Variants in CWH43 observed in about 807,000 individuals in gnomAD.
CWH43 encodes PGAP2-interacting protein.
CWH43 carries 91 observed loss-of-function variants against 85.7 expected under a neutral mutation model. That is an observed-to-expected ratio of 1.06 (90% CI 0.90 to 1.26). The LOEUF is 1.26. Among genes scored for constraint, CWH43 ranks in the 50% most tolerant of loss-of-function variants. CWH43 has a pLI of 0.00. For synonymous variants in CWH43, 323 were observed against 293.6 expected (o/e 1.10, Z -1.02); for missense variants, 869 against 839.2 (o/e 1.04, Z -0.44).
chr4:48,995,091 G>A (rs1782770047), intron 5 of CWH43, among the ~76,000 whole-genome samples: 1 of 152,216 alleles, frequency 6.6e-6, no homozygotes, highest in African/African-American at 2.4e-5. Context: ...TCCAGCATAG[G>A]CATCTCGAGG....
At chr4:49,013,680 C>G (rs1783441967) in intron 8 of CWH43, among the ~76,000 whole-genome samples, 1 of 152,152 alleles carries the variant, frequency 6.6e-6, no homozygotes. Flanking sequence ...GCCATTTCCA[C>G]CATAAATACT....
chr4:49,059,882 G>A (rs1355951239), intron 15 of CWH43, among the ~76,000 whole-genome samples: 1 of 152,110 alleles, frequency 6.6e-6, no homozygotes, highest in Non-Finnish European at 1.5e-5. Context: ...GAGTCTGCAG[G>A]AGCCACCCTG....
chr4:49,005,980 T>TG (rs1421231247), intron 7 of CWH43, among the ~76,000 whole-genome samples: 1 of 152,228 alleles, frequency 6.6e-6, no homozygotes, highest in Non-Finnish European at 1.5e-5. Flanking sequence ...TGAATTAACT[T>TG]GGAGAATTTG....
At chr4:49,023,528 C>T (rs1400616449) in intron 9 of CWH43, among the ~76,000 whole-genome samples, 1 of 152,170 alleles carries the variant, frequency 6.6e-6, no homozygotes, top group Non-Finnish European at 1.5e-5. Flanking sequence ...GCATGCACCA[C>T]CACATCCAGC....
At chr4:49,040,251 G>A (rs1467370617) in intron 13 of CWH43, among the ~76,000 whole-genome samples, 1 of 152,134 alleles carries the variant, frequency 6.6e-6, no homozygotes, top group Non-Finnish European at 1.5e-5. Flanking sequence ...AATCCTTTGG[G>A]TATATACCCA....
At chr4:49,016,724 G>A (rs1286731848) in intron 8 of CWH43, 60 of 776,038 alleles carry the variant, frequency 7.7e-5, no homozygotes, top group Non-Finnish European at 1.3e-4. Flanking sequence ...TTGCCTGCTC[G>A]AAAACAACCT....
intron 5 of CWH43, among the ~76,000 whole-genome samples, chr4:48,996,704 G>A (rs1335285573): frequency 6.6e-6 from 1 of 152,208 alleles, no homozygotes; most frequent in African/African-American, 2.4e-5. Context: ...GTAACCAGGA[G>A]AAACTCACCA....
At chr4:49,010,303 C>A (rs1490967355) in intron 8 of CWH43, among the ~76,000 whole-genome samples, 1 of 152,174 alleles carries the variant, frequency 6.6e-6, no homozygotes, top group East Asian at 1.9e-4. Context: ...GTTTGTATTT[C>A]TGTGGGATTG....
intron 8 of CWH43, among the ~76,000 whole-genome samples, chr4:49,011,516 C>G (rs930977210): frequency 6.6e-6 from 1 of 152,128 alleles, no homozygotes; most frequent in Admixed American, 6.5e-5. Context: ...ATGATGTTAG[C>G]TGGTTATTCG....
At chr4:49,014,596 A>G (rs979733583) in intron 8 of CWH43, among the ~76,000 whole-genome samples, 1 of 152,050 alleles carries the variant, frequency 6.6e-6, no homozygotes, top group African/African-American at 2.4e-5. Flanking sequence ...AATCCTGACA[A>G]TCTTTGTCTT....
intron 7 of CWH43, among the ~76,000 whole-genome samples, chr4:49,006,513 G>T (rs977592709): frequency 4.7e-4 from 71 of 152,270 alleles, no homozygotes; most frequent in Admixed American, 2.6e-3. Flanking sequence ...GGACACCGCT[G>T]TTTTTGCTTG....
intron 5 of CWH43, among the ~76,000 whole-genome samples, chr4:48,996,896 A>T (rs886874311): frequency 6.6e-6 from 1 of 152,224 alleles, no homozygotes; most frequent in Non-Finnish European, 1.5e-5. Flanking sequence ...CAAGACCAGC[A>T]TTTCCCAAAC....
chr4:48,994,006 C>T (rs931530948), intron 4 of CWH43, among the ~76,000 whole-genome samples: 5 of 152,128 alleles, frequency 3.3e-5, no homozygotes, highest in African/African-American at 1.2e-4. Flanking sequence ...AGGTGATCCA[C>T]CTGCCTTGGC....
intron 14 of CWH43, among the ~76,000 whole-genome samples, chr4:49,046,280 C>G (rs972101136): frequency 1.3e-5 from 2 of 151,444 alleles, no homozygotes; most frequent in African/African-American, 4.8e-5. Context: ...AAGCAAGGAA[C>G]AGTTTAATGC....
intron 8 of CWH43, among the ~76,000 whole-genome samples, chr4:49,010,794 G>A (rs553980091): frequency 7.9e-5 from 12 of 152,278 alleles, no homozygotes; most frequent in African/African-American, 2.6e-4. Flanking sequence ...TTTTGGGTGA[G>A]TTTCTTAATC....
At chr4:49,047,432 G>A (rs1269712883) in intron 14 of CWH43, among the ~76,000 whole-genome samples, 7 of 152,170 alleles carry the variant, frequency 4.6e-5, no homozygotes, top group Admixed American at 6.5e-5. Context: ...GATGATGAGA[G>A]TGGTGGGAAA....
chr4:48,994,899 G>C, intron 5 of CWH43, 79 bp downstream of exon 5: 1 of 1,135,738 alleles, frequency 8.8e-7, no homozygotes, highest in Admixed American at 1.7e-5. Context: ...CAGACAGCTA[G>C]GTCTGTGCTA....
intron 14 of CWH43, 108 bp from the exon 15 acceptor site, chr4:49,050,586 G>T: frequency 1.3e-6 from 1 of 780,990 alleles, no homozygotes; most frequent in Non-Finnish European, 2.1e-6. Context: ...ATACAGAGTA[G>T]AGTTAGAAGT....
chr4:49,013,014 G>A (rs1049491846), intron 8 of CWH43, among the ~76,000 whole-genome samples: 2 of 152,204 alleles, frequency 1.3e-5, no homozygotes, highest in Admixed American at 6.5e-5. Context: ...GAGAACCACT[G>A]CTCTCTTCAG....
Sources: gnomAD v4.1 joint callset for allele counts (sites outside exome capture counted in the v4.1 genomes callset) on GRCh38, gnomAD v4.1.1 for gene constraint, MANE v1.5 for transcripts, NCBI Gene and HGNC (gene_info 2026-07-23, HGNC 2026-07-21) for gene names.